The following TNIP3 variants were observed in gnomAD, a reference collection of about 807,000 sequenced individuals.
TNIP3 encodes TNFAIP3 interacting protein 3, also known as TNFAIP3-interacting protein 3.
In TNIP3, 34 loss-of-function variants were observed where a neutral mutation model predicts 54.1. That is an observed-to-expected ratio of 0.63 (90% confidence interval 0.48 to 0.84). The LOEUF (loss-of-function observed/expected upper bound fraction) is 0.84. TNIP3 is among the 40% of genes least tolerant of loss of function. The pLI, the probability that TNIP3 is intolerant of heterozygous loss-of-function variation, is 0.00. For missense variants in TNIP3, 366 were observed against 387.6 expected (o/e 0.94, Z 0.47); for synonymous variants, 134 against 136.8 (o/e 0.98, Z 0.14).
At chr4:121,190,530 C>T (rs1725251244) in intron 2 of TNIP3, among the ~76,000 whole-genome samples, 1 of 152,178 alleles carries the variant, frequency 6.6e-6, no homozygotes, top group Non-Finnish European at 1.5e-5. Context: ...CTTTCCTTCT[C>T]AGCCTCAGTA....
chr4:121,143,882 C>T (rs985280508), intron 7 of TNIP3, among the ~76,000 whole-genome samples: 12 of 152,152 alleles, frequency 7.9e-5, no homozygotes, highest in Non-Finnish European at 1.3e-4. Flanking sequence ...CTTAGGAATA[C>T]TAGAGAGCAT....
chr4:121,180,171 C>T (rs1019573969), intron 3 of TNIP3, among the ~76,000 whole-genome samples: 8 of 152,108 alleles, frequency 5.3e-5, no homozygotes, highest in East Asian at 1.9e-4. Context: ...GAGGCCGAGG[C>T]GGGTGGATCA....
At chr4:121,220,191 T>TA (rs1726971404), upstream of TNIP3, among the ~76,000 whole-genome samples, 1 of 152,186 alleles carries the variant, frequency 6.6e-6, no homozygotes, top group African/African-American at 2.4e-5. Flanking sequence ...ATTGATCACA[T>TA]AAGAGACCTA....
At chr4:121,166,061 GGT>G (rs1490659460), upstream of TNIP3, among the ~76,000 whole-genome samples, 1 of 152,136 alleles carries the variant, frequency 6.6e-6, no homozygotes, top group Non-Finnish European at 1.5e-5. Flanking sequence ...TAGAAAAGTG[GGT>G]GGGAAGAACA....
chr4:121,223,007 G>A (rs1158486399), intron 1 of TNIP3, among the ~76,000 whole-genome samples: 2 of 152,030 alleles, frequency 1.3e-5, no homozygotes, highest in Admixed American at 6.5e-5. Flanking sequence ...GGGTTTCACC[G>A]TGTTAGCCAG....
At chr4:121,221,222 CTAA>C (rs879806667), upstream of TNIP3, among the ~76,000 whole-genome samples, 4 of 152,022 alleles carry the variant, frequency 2.6e-5, no homozygotes, top group Non-Finnish European at 5.9e-5. Context: ...TTATGTTTTT[CTAA>C]TAATATCTTT....
chr4:121,140,121 G>T (rs188116823), intron 9 of TNIP3, among the ~76,000 whole-genome samples: 3 of 152,068 alleles, frequency 2.0e-5, no homozygotes, highest in Non-Finnish European at 4.4e-5. Context: ...GGATCATGAG[G>T]TCAGGAGTTT....
chr4:121,142,832 C>T, intron 7 of TNIP3, 56 bp from the exon 8 acceptor site: 2 of 1,450,734 alleles, frequency 1.4e-6, no homozygotes, highest in Non-Finnish European at 1.9e-6. Context: ...CATTAATTCC[C>T]AAGCCACTCT....
At chr4:121,154,450 T>TCTA in intron 5 of TNIP3, 101 bp downstream of exon 5, 3 of 1,438,076 alleles carry the variant, frequency 2.1e-6, no homozygotes, top group Non-Finnish European at 2.9e-6. Flanking sequence ...CCTCCAAGGC[T>TCTA]GGGACCCACA....
At chr4:121,206,679 T>A (rs2148844184) in intron 2 of TNIP3, among the ~76,000 whole-genome samples, 1 of 152,234 alleles carries the variant, frequency 6.6e-6, no homozygotes, top group African/African-American at 2.4e-5. Flanking sequence ...CCTGAGTAAC[T>A]GAGACCACAG....
At position 121,147,131 on chromosome 4, in the gene TNIP3, C is replaced by A; in HGVS notation, c.653G>T (p.Arg218Leu). The change falls in exon 7 of 11, where the codon CGA becomes CTA. Residue 218 changes from arginine (R) to leucine (L), a missense_variant. Arg to Leu is a moderately radical substitution (Grantham distance 102). Coordinates refer to ENST00000057513, the MANE Select transcript of TNIP3 (RefSeq NM_024873.6). ...EEDFKKERSD[R>L]ERLNQEKEEL... ...CTCTTTCTCTTGATTAAGTCTCTCTCGATCCGATCGTTCCTTTTTGAAGTC... is the reference window on the plus strand; with the variant it reads ...CTCTTTCTCTTGATTAAGTCTCTCTAGATCCGATCGTTCCTTTTTGAAGTC... 1 of 1,613,030 alleles carries A rather than the reference C, an allele frequency of 6.2e-7. No individual in the cohort carries two copies. The highest frequency in any genetic ancestry group is 1.1e-5 in the South Asian group (1 of 90,884).
chr4:121,215,498 G>A (rs1185455410), intron 2 of TNIP3, among the ~76,000 whole-genome samples: 1 of 152,122 alleles, frequency 6.6e-6, no homozygotes, highest in African/African-American at 2.4e-5. Flanking sequence ...ACCTGTGGAA[G>A]CCAAAACAAA....
chr4:121,143,486 C>T (rs1392203989), intron 7 of TNIP3, among the ~76,000 whole-genome samples: 1 of 150,464 alleles, frequency 6.6e-6, no homozygotes, highest in Non-Finnish European at 1.5e-5. Context: ...CTTTCCAAGT[C>T]CCACTTATCA....
chr4:121,175,772 G>A (rs1420224899), intron 3 of TNIP3, among the ~76,000 whole-genome samples: 1 of 152,184 alleles, frequency 6.6e-6, no homozygotes, highest in African/African-American at 2.4e-5. Flanking sequence ...AGAAATTTCT[G>A]CCCAATAGGT....
In TNIP3 at chr4:121,156,560, G is replaced by T. The variant is rs569283220; in HGVS notation, c.363+534C>A. Among the ~76,000 whole-genome samples the T allele has an allele frequency of 3.3e-5, 5 of 152,150 alleles. No individual in the cohort carries two copies. The South Asian group carries it at 1.0e-3, about 32-fold the overall frequency. On this transcript the variant is annotated intron_variant, in intron 4 of 10. Coordinates refer to ENST00000057513, the MANE Select transcript of TNIP3 (RefSeq NM_024873.6). The stretch of plus-strand genomic sequence containing the variant: ...TTTAATATAGCAAAAATAATATTTT[G>T]CTCACAGGTGGGCCAAGAATGTTAA...
At chr4:121,182,804 G>T (rs1724790473) in intron 2 of TNIP3, 1 of 1,533,936 alleles carries the variant, frequency 6.5e-7, no homozygotes, top group Non-Finnish European at 8.7e-7. Context: ...CATCTGCCCA[G>T]AAAGACATGG....
At chr4:121,166,187 A>G (rs1271711414), upstream of TNIP3, among the ~76,000 whole-genome samples, 1 of 152,196 alleles carries the variant, frequency 6.6e-6, no homozygotes, top group African/African-American at 2.4e-5. Context: ...TGGAAATTCT[A>G]TACCTTTGCT....
At chr4:121,186,600 CTG>C (rs1466138854) in intron 2 of TNIP3, among the ~76,000 whole-genome samples, 1 of 152,142 alleles carries the variant, frequency 6.6e-6, no homozygotes, top group East Asian at 1.9e-4. Flanking sequence ...CAATGTAATG[CTG>C]TGAGGCTGAC....
At chr4:121,134,146 A>G (rs1211038802) in intron 10 of TNIP3, among the ~76,000 whole-genome samples, 5 of 152,208 alleles carry the variant, frequency 3.3e-5, no homozygotes, top group Non-Finnish European at 7.3e-5. Context: ...GATCTTCTAT[A>G]TTGTAAAGAA....
Sources: gnomAD v4.1 joint callset for allele counts (sites outside exome capture counted in the v4.1 genomes callset) on GRCh38, gnomAD v4.1.1 for gene constraint, MANE v1.5 for transcripts, NCBI Gene and HGNC (gene_info 2026-07-23, HGNC 2026-07-21) for gene names.